The following CXorf66 variants were observed in gnomAD, a reference collection of about 807,000 sequenced individuals.
CXorf66 encodes the protein chromosome X open reading frame 66, also known as uncharacterized protein CXorf66.
Under a neutral mutation model 5.0 loss-of-function variants are expected in CXorf66, and 6 were observed. That is an observed-to-expected ratio of 1.20 (90% CI 0.65 to 2.36). The LOEUF is 2.36. CXorf66 is among the 30% of genes most tolerant of loss of function. The pLI, the probability that CXorf66 is intolerant of heterozygous loss-of-function variation, is 0.00. For missense variants in CXorf66, 270 were observed against 254.9 expected (o/e 1.06, Z -0.40); for synonymous variants, 98 against 102.8 (o/e 0.95, Z 0.28).
At chrX:139,957,819 A>G (rs895324290) in intron 2 of CXorf66, among the ~76,000 whole-genome samples, 20 of 111,861 alleles carry the variant, frequency 1.8e-4, no homozygotes, top group African/African-American at 6.2e-4. Flanking sequence ...CACTGAATTT[A>G]TAATGCAATT....
Position 139,958,129 on chromosome X carries a change from A to G in CXorf66, c.177T>C (p.Phe59=), listed in dbSNP as rs1234395769. The part of the protein sequence containing the change: ...LILVGIIIMV[F]VFICFCYLHY... ...GGAGATAACAAAAACAGATAAAGACAAAAACCATGATGATAATACCAACTA... is the reference window on the plus strand; with the variant it reads ...GGAGATAACAAAAACAGATAAAGACGAAAACCATGATGATAATACCAACTA... Residue 59 remains phenylalanine, a synonymous_variant, in exon 2 of 3, where the codon TTT becomes TTC. Coordinates refer to ENST00000370540, the MANE Select transcript of CXorf66 (RefSeq NM_001013403.3). 1 of 1,202,805 alleles carries G rather than the reference A, an allele frequency of 8.3e-7. No individual in the cohort carries two copies. Among genetic ancestry groups the G allele is most frequent in the South Asian group, 1.8e-5 (1 of 55,759 alleles).
At chrX:139,964,451 T>C (rs769794941) in intron 1 of CXorf66, among the ~76,000 whole-genome samples, 4 of 111,697 alleles carry the variant, frequency 3.6e-5, no homozygotes, top group African/African-American at 6.5e-5. Context: ...GGAACGCTTT[T>C]ACACTGTTGG....
chrX:139,961,423 T>A (rs915601607), intron 1 of CXorf66, among the ~76,000 whole-genome samples: 3 of 111,889 alleles, frequency 2.7e-5, no homozygotes, highest in Non-Finnish European at 5.6e-5. Flanking sequence ...GCACCCAGAT[T>A]CATACAACAA....
chrX:139,957,724 G>A (rs921785779), intron 2 of CXorf66, among the ~76,000 whole-genome samples: 1 of 111,452 alleles, frequency 9.0e-6, no homozygotes, highest in Non-Finnish European at 1.9e-5. Flanking sequence ...ATGTTTTATT[G>A]TCTTTGAAAA....
intron 1 of CXorf66, among the ~76,000 whole-genome samples, chrX:139,960,767 C>A (rs920273036): frequency 9.0e-6 from 1 of 111,378 alleles, no homozygotes; most frequent in Non-Finnish European, 1.9e-5. Context: ...AGAGTGGGGG[C>A]CAATATTCAA....
chrX:139,961,067 T>C (rs752138791), intron 1 of CXorf66, among the ~76,000 whole-genome samples: 1 of 111,836 alleles, frequency 8.9e-6, no homozygotes, highest in South Asian at 3.8e-4. Flanking sequence ...CAGGATCAAC[T>C]TCACACATAA....
intron 1 of CXorf66, among the ~76,000 whole-genome samples, chrX:139,960,422 G>C: frequency 9.1e-6 from 1 of 110,406 alleles, no homozygotes; most frequent in Non-Finnish European, 1.9e-5. Context: ...AGAAATATGG[G>C]ACTATGTGAA....
At chrX:139,957,968 A>G (rs773290543) in intron 2 of CXorf66, 96 bp downstream of exon 2, 28 of 884,716 alleles carry the variant, frequency 3.2e-5, no homozygotes, top group African/African-American at 2.7e-4. Flanking sequence ...TCAGAAGTCT[A>G]AAGTTAATAT....
At chrX:139,958,428 A>C (rs1437920512) in intron 1 of CXorf66, among the ~76,000 whole-genome samples, 2 of 111,743 alleles carry the variant, frequency 1.8e-5, no homozygotes, top group Non-Finnish European at 3.8e-5. Context: ...CCATACCATT[A>C]CCTGGGTTAT....
Position 139,956,512 on chromosome X carries a change from C to G in CXorf66, c.470G>C (p.Arg157Thr). Residue 157 changes from arginine (R) to threonine (T), a missense_variant, in exon 3 of 3, where the codon AGG becomes ACG. Physicochemically the swap from Arg to Thr is moderately conservative, Grantham distance 71. Coordinates refer to ENST00000370540, the MANE Select transcript of CXorf66 (RefSeq NM_001013403.3). ...SIPNSAGKLT[R>T]PSYPKRSSKS... is the part of the protein sequence containing the mutation. ...GGATGACCTTTTTGGATATGATGGC[C>G]TAGTTAACTTTCCTGCACTGTTTGG... 8.3e-7 allele frequency: 1 copy of G among 1,211,610 alleles called. No individual in the cohort carries two copies. Among genetic ancestry groups the G allele is most frequent in the Non-Finnish European group, 1.1e-6 (1 of 895,506 alleles).
chrX:139,962,566 G>A (rs955882834), intron 1 of CXorf66, among the ~76,000 whole-genome samples: 4 of 111,438 alleles, frequency 3.6e-5, no homozygotes, highest in East Asian at 2.8e-4. Flanking sequence ...TCCCTAACTC[G>A]TTTTATGAGG....
intron 1 of CXorf66, among the ~76,000 whole-genome samples, chrX:139,961,192 C>T (rs1382733934): frequency 9.0e-6 from 1 of 111,238 alleles, no homozygotes; most frequent in Non-Finnish European, 1.9e-5. Context: ...ACCCATCACA[C>T]GTGAAAAGAC....
At chrX:139,964,655 A>T (rs746750116) in intron 1 of CXorf66, among the ~76,000 whole-genome samples, 1 of 111,780 alleles carries the variant, frequency 8.9e-6, no homozygotes, top group African/African-American at 3.2e-5. Flanking sequence ...AAGACCTGGA[A>T]CCAACCCAAA....
intron 1 of CXorf66, among the ~76,000 whole-genome samples, chrX:139,961,756 G>A (rs2085594185): frequency 1.8e-5 from 2 of 111,811 alleles, no homozygotes; most frequent in South Asian, 7.4e-4. Flanking sequence ...TAGAACTCAG[G>A]TTTAAGAAAC....
In CXorf66 at chrX:139,958,219, T is replaced by G. The variant is rs1169145860; in HGVS notation, c.89-2A>C. 1.7e-6 allele frequency: 2 copies of G among 1,165,120 alleles called. No homozygotes were observed. Among genetic ancestry groups the G allele is most frequent in the East Asian group, 6.2e-5 (2 of 32,312 alleles). Reference sequence around the variant, plus strand: ...GCATTGATTCAACAGGTTTATCTCCTGCAAAGAGATTGTATAATCAGAGAA... The same window carrying G: ...GCATTGATTCAACAGGTTTATCTCCGGCAAAGAGATTGTATAATCAGAGAA... On this transcript the variant is annotated splice_acceptor_variant, in intron 1 of 2. Coordinates refer to ENST00000370540, the MANE Select transcript of CXorf66 (RefSeq NM_001013403.3). LOFTEE classifies it high-confidence loss of function.
chrX:139,962,735 G>A (rs1000501603), intron 1 of CXorf66, among the ~76,000 whole-genome samples: 65 of 111,388 alleles, frequency 5.8e-4, no homozygotes, highest in African/African-American at 1.9e-3. Context: ...CCATCAAGTC[G>A]GCTTCATCCC....
Position 139,958,051 on chromosome X carries a change from GA to G in CXorf66, c.242+12del. On this transcript the variant is annotated intron_variant, in intron 2 of 2. Coordinates refer to ENST00000370540, the MANE Select transcript of CXorf66 (RefSeq NM_001013403.3). ...CACACCTCGCACTCTTAATTTAAAG[GA>G]GTAAAACTTACATTCCTGCTTTGGA... 1 of 1,182,437 alleles carries G rather than the reference GA, an allele frequency of 8.5e-7. No individual in the cohort carries two copies. Among genetic ancestry groups the G allele is most frequent in the Non-Finnish European group, 1.1e-6 (1 of 883,139 alleles).
chrX:139,959,037 C>T (rs1445875102), intron 1 of CXorf66, among the ~76,000 whole-genome samples: 2 of 111,721 alleles, frequency 1.8e-5, no homozygotes, highest in African/African-American at 6.5e-5. Flanking sequence ...TTTTTCCCCC[C>T]AGTGGCACCT....
intron 1 of CXorf66, among the ~76,000 whole-genome samples, chrX:139,958,955 A>G (rs2085583790): frequency 8.9e-6 from 1 of 111,750 alleles, no homozygotes; most frequent in Non-Finnish European, 1.9e-5. Flanking sequence ...TGCCTACAAC[A>G]CCAGGGCCCT....
Sources: allele counts gnomAD v4.1 joint callset (sites outside exome capture counted in the v4.1 genomes callset), GRCh38; gene constraint gnomAD v4.1.1; transcripts MANE v1.5; gene names NCBI Gene and HGNC (gene_info 2026-07-23, HGNC 2026-07-21).